CA2: variants seen among roughly 807,000 people sequenced by gnomAD.
CA2 encodes carbonate dehydratase II.
In CA2, 23 loss-of-function variants were observed where a neutral mutation model predicts 27.8. That is an observed-to-expected ratio of 0.83 (90% CI 0.59 to 1.17). CA2 has a LOEUF of 1.17. Among genes scored for constraint, CA2 ranks in the 50% most tolerant of loss-of-function variants. The pLI is 0.00. For missense variants in CA2, 300 were observed against 314.7 expected (o/e 0.95, Z 0.35); for synonymous variants, 99 against 114.9 (o/e 0.86, Z 0.88).
At chr8:85,476,112 A>C (rs1282925610) in intron 5 of CA2, among the ~76,000 whole-genome samples, 1 of 152,206 alleles carries the variant, frequency 6.6e-6, no homozygotes, top group Admixed American at 6.5e-5. Context: ...TCCATATGTA[A>C]GAGTCAGAGA....
At position 85,473,732 on chromosome 8, in the gene CA2, T is replaced by C; in HGVS notation, c.272T>C (p.Ile91Thr). Reference sequence around the variant, plus strand: ...CCCCTGGATGGCACTTACAGATTGATTCAGTTTCACTTTCACTGGGGTTCA... The same window carrying C: ...CCCCTGGATGGCACTTACAGATTGACTCAGTTTCACTTTCACTGGGGTTCA... ...GGPLDGTYRL[I>T]QFHFHWGSLD... Residue 91 changes from isoleucine to threonine, a missense_variant, in exon 3 of 7, where the codon ATT becomes ACT. Ile to Thr is a moderately conservative substitution (Grantham distance 89). Coordinates refer to ENST00000285379, the MANE Select transcript of CA2 (RefSeq NM_000067.3). 6.2e-7 allele frequency: 1 copy of C among 1,612,240 alleles called. No homozygotes were observed. Among genetic ancestry groups the C allele is most frequent in the South Asian group, 1.1e-5 (1 of 91,048 alleles).
chr8:85,480,320 G>T (rs932938029), intron 6 of CA2, among the ~76,000 whole-genome samples: 19 of 152,048 alleles, frequency 1.2e-4, no homozygotes, highest in African/African-American at 4.6e-4. Flanking sequence ...GTGCAGTGGC[G>T]CAATCTCAGC....
intron 2 of CA2, 87 bp downstream of exon 2, chr8:85,465,556 C>G (rs897339520): frequency 5.8e-6 from 6 of 1,042,224 alleles, no homozygotes; most frequent in Middle Eastern, 2.0e-4. Flanking sequence ...TGGCAGGAAC[C>G]CTCTTAATAA....
At chr8:85,471,744 AGTAT>A (rs1811715702) in intron 2 of CA2, among the ~76,000 whole-genome samples, 1 of 151,856 alleles carries the variant, frequency 6.6e-6, no homozygotes, top group Non-Finnish European at 1.5e-5. Flanking sequence ...GATTTTTTTC[AGTAT>A]TAATTTATTT....
chr8:85,476,316 A>C (rs1811797862), intron 5 of CA2, among the ~76,000 whole-genome samples: 1 of 152,200 alleles, frequency 6.6e-6, no homozygotes, highest in Non-Finnish European at 1.5e-5. Context: ...TCCATCCTGC[A>C]TTTAAATCCT....
chr8:85,468,053 A>G (rs1241716453), intron 2 of CA2, among the ~76,000 whole-genome samples: 1 of 152,246 alleles, frequency 6.6e-6, no homozygotes, highest in East Asian at 1.9e-4. Flanking sequence ...ACATAGAAAT[A>G]GTAGACCCTG....
At chr8:85,475,145 A>G (rs889643488) in intron 4 of CA2, among the ~76,000 whole-genome samples, 4 of 152,118 alleles carry the variant, frequency 2.6e-5, no homozygotes, top group African/African-American at 9.7e-5. Context: ...CCATCTCTAC[A>G]AAATTTTTTT....
chr8:85,473,049 T>A (rs1267507779), intron 2 of CA2, among the ~76,000 whole-genome samples: 1 of 150,072 alleles, frequency 6.7e-6, no homozygotes, highest in African/African-American at 2.4e-5. Context: ...ATAAAAAAAA[T>A]TAAGGGAACA....
intron 2 of CA2, 184 bp from the exon 3 acceptor site, chr8:85,473,509 C>G (rs1400334740): frequency 1.5e-6 from 1 of 683,838 alleles, no homozygotes; most frequent in Non-Finnish European, 2.7e-6. Flanking sequence ...AAACTTGACT[C>G]TGGATTGAAT....
At chr8:85,480,608 C>T in intron 6 of CA2, 62 bp from the exon 7 acceptor site, 2 of 1,527,082 alleles carry the variant, frequency 1.3e-6, no homozygotes, top group Non-Finnish European at 1.8e-6. Flanking sequence ...AGATATAACA[C>T]AAGTATATAA....
At position 85,480,651 on chromosome 8, in the gene CA2, GT is replaced by G; in HGVS notation, c.664-15del. 6.2e-7 allele frequency: 1 copy of G among 1,607,742 alleles called. No individual in the cohort carries two copies. The highest frequency in any genetic ancestry group is 8.5e-7 in the Non-Finnish European group (1 of 1,174,400). On this transcript the variant is annotated intron_variant, in intron 6 of 6. Coordinates refer to ENST00000285379, the MANE Select transcript of CA2 (RefSeq NM_000067.3). ...CCATTGTGAAACATTAATTATCAAT[GT>G]TTTATTGTGTCTTTTAGGTGTTGAA...
intron 2 of CA2, among the ~76,000 whole-genome samples, chr8:85,466,584 A>T (rs1349211315): frequency 1.3e-5 from 2 of 151,968 alleles, no homozygotes; most frequent in Non-Finnish European, 2.9e-5. Context: ...AGACAATTTG[A>T]TGGGGGATAA....
At position 85,477,777 on chromosome 8, in the gene CA2, G is replaced by A. The variant is rs1811827085; in HGVS notation, c.663+502G>A. ...AGGTTGCTTTAGAGGCTTAGAGCAG[G>A]TATTCTTACATTTCCAATAAAATAT... On this transcript the variant is annotated intron_variant, in intron 6 of 6. Coordinates refer to ENST00000285379, the MANE Select transcript of CA2 (RefSeq NM_000067.3). 2.0e-5 allele frequency among the ~76,000 whole-genome samples: 3 copies of A among 152,294 alleles called. 1 individual carries two copies. The highest frequency in any genetic ancestry group is 4.1e-4 in the South Asian group (2 of 4,826).
chr8:85,472,703 A>C (rs1488183014), intron 2 of CA2, among the ~76,000 whole-genome samples: 2 of 152,072 alleles, frequency 1.3e-5, no homozygotes, highest in Non-Finnish European at 2.9e-5. Flanking sequence ...TTTAATAAAA[A>C]TTTTCGGCCG....
chr8:85,475,411 A>G (rs543261179), intron 4 of CA2, among the ~76,000 whole-genome samples: 23 of 147,770 alleles, frequency 1.6e-4, no homozygotes, highest in Non-Finnish European at 2.2e-4. Flanking sequence ...GAGTCAAGAG[A>G]GATTTGGGTT....
At position 85,474,308 on chromosome 8, in the gene CA2, G is replaced by GT. The variant is rs1811755017; in HGVS notation, c.352-15dup. On this transcript the variant is annotated splice_polypyrimidine_tract_variant and intron_variant, in intron 3 of 6. Coordinates refer to ENST00000285379, the MANE Select transcript of CA2 (RefSeq NM_000067.3). Reference sequence around the variant, plus strand: ...TATGTAAATCACTCACTGTGGCTTTGTCTCTTCGGCCTTAGCTTCACTTGG... The same window carrying GT: ...TATGTAAATCACTCACTGTGGCTTTGTTCTCTTCGGCCTTAGCTTCACTTGG... The GT allele has an allele frequency of 3.1e-6, 5 of 1,599,836 alleles. No homozygotes were observed. The highest frequency in any genetic ancestry group is 4.3e-6 in the Non-Finnish European group (5 of 1,166,912).
chr8:85,477,543 C>G (rs913685146), intron 6 of CA2, among the ~76,000 whole-genome samples: 6 of 85,338 alleles, frequency 7.0e-5, no homozygotes, highest in Admixed American at 2.0e-4. Flanking sequence ...CTAATAAATG[C>G]CTTTTTTTTT....
Position 85,469,569 on chromosome 8 carries a change from A to G in CA2, c.232+4100A>G, listed in dbSNP as rs373311263. Among the ~76,000 whole-genome samples, 27 of 152,304 alleles carry G rather than the reference A, an allele frequency of 1.8e-4. No individual in the cohort carries two copies. In the South Asian group the frequency reaches 3.5e-3, roughly 20 times the overall value. On this transcript the variant is annotated intron_variant, in intron 2 of 6. Coordinates refer to ENST00000285379, the MANE Select transcript of CA2 (RefSeq NM_000067.3). ...TTAGGTTCTTAAAAAACTTATTAAA[A>G]AATAACTCACCCTGCTTGAGATGTT...
chr8:85,472,778 C>T (rs917310348), intron 2 of CA2, among the ~76,000 whole-genome samples: 2 of 151,942 alleles, frequency 1.3e-5, no homozygotes, highest in Admixed American at 6.6e-5. Flanking sequence ...ATTACTCAAG[C>T]TCAGGAGTTC....
Sources: allele counts gnomAD v4.1 joint callset (sites outside exome capture counted in the v4.1 genomes callset), GRCh38; gene constraint gnomAD v4.1.1; transcripts MANE v1.5; gene names NCBI Gene and HGNC (gene_info 2026-07-23, HGNC 2026-07-21).